MAPKAPK5: variants seen among roughly 807,000 people sequenced by gnomAD.
The protein encoded by MAPKAPK5 is MAP kinase-activated protein kinase 5.
MAPKAPK5 carries 30 observed loss-of-function variants against 65.1 expected under a neutral mutation model. The observed-to-expected ratio is 0.46, with a 90% confidence interval of 0.34 to 0.63. MAPKAPK5 has a LOEUF of 0.63. Ranked by LOEUF, MAPKAPK5 falls within the 20% of genes least tolerant of loss-of-function variation. The pLI is 0.01. For synonymous variants in MAPKAPK5, 179 were observed against 204.6 expected, an observed-to-expected ratio of 0.87 and a Z score of 1.07; for missense variants, 433 against 581.4, an observed-to-expected ratio of 0.74 and a Z score of 2.63.
rs2070754242 is a variant in MAPKAPK5, at chr12:111,895,093, T to TC, written c.*2032_*2033insC. The TC allele has an allele frequency of 2.0e-5, 1 of 49,578 alleles. No individual in the cohort carries two copies. Among genetic ancestry groups the TC allele is most frequent in the Non-Finnish European group, 3.2e-5 (1 of 31,316 alleles). 3.1% of individuals were successfully genotyped at this position (49,578 alleles called of 1,614,324 possible). A position where few individuals can be genotyped will look rare whatever the true frequency, so the allele number is the denominator to read the frequency against. ...AGAATTACCTTATTACATTGCTTCC[T>TC]TTTTTTTTTTTTTTTTTTTTTGAGA... On this transcript the variant is annotated 3_prime_UTR_variant, in exon 14 of 14. Coordinates refer to ENST00000550735, the MANE Select transcript of MAPKAPK5 (RefSeq NM_003668.4).
In MAPKAPK5 at chr12:111,867,497, C is replaced by CTAGT. The variant is rs1412982377; in HGVS notation, c.187-74_187-71dup. 3.0e-6 allele frequency: 3 copies of CTAGT among 1,008,600 alleles called. No homozygotes were observed. The Admixed American group carries it at 5.3e-5, about 18-fold the overall frequency. 62.5% of individuals were successfully genotyped at this position (1,008,600 alleles called of 1,614,324 possible). A position where few individuals can be genotyped will look rare whatever the true frequency, so the allele number is the denominator to read the frequency against. On this transcript the variant is annotated intron_variant, in intron 3 of 13. Transcript: ENST00000550735. ...AGTTTTTATTGTAATTAGCTTGTACCTAGTATGGTCAGTTTTTGGAGAGAA... is the reference window on the plus strand; with the variant it reads ...AGTTTTTATTGTAATTAGCTTGTACCTAGTTAGTATGGTCAGTTTTTGGAGAGAA...
At chr12:111,853,499 G>A (rs957163482) in intron 1 of MAPKAPK5, among the ~76,000 whole-genome samples, 1 of 151,988 alleles carries the variant, frequency 6.6e-6, no homozygotes, top group African/African-American at 2.4e-5. Context: ...TTGCATACTA[G>A]TTCTTATAGA....
chr12:111,874,181 G>A (rs1176293730), intron 7 of MAPKAPK5, among the ~76,000 whole-genome samples: 1 of 151,884 alleles, frequency 6.6e-6, no homozygotes, highest in Non-Finnish European at 1.5e-5. Context: ...GATCACCTGA[G>A]GTCGGGAGTT....
At chr12:111,857,465 C>G (rs2069282387) in intron 1 of MAPKAPK5, among the ~76,000 whole-genome samples, 1 of 152,292 alleles carries the variant, frequency 6.6e-6, no homozygotes, top group African/African-American at 2.4e-5. Context: ...GTTGGCCAGG[C>G]TGGTCTTGAA....
At chr12:111,848,920 T>C (rs1195197310) in intron 1 of MAPKAPK5, among the ~76,000 whole-genome samples, 1 of 151,492 alleles carries the variant, frequency 6.6e-6, no homozygotes, top group Non-Finnish European at 1.5e-5. Flanking sequence ...TATTTTTATT[T>C]TTTTATTTAT....
rs570556779 is a variant in MAPKAPK5 at position 111,896,460 on chromosome 12, C to T, written c.*3399C>T. 4.6e-5 allele frequency: 7 copies of T among 152,206 alleles called. No individual in the cohort carries two copies. The South Asian group carries it at 8.3e-4, about 18-fold the overall frequency. 9.4% of individuals were successfully genotyped at this position (152,206 alleles called of 1,614,324 possible). Reference sequence around the variant, plus strand: ...AAGGGACTCAGCATGGCTTGGTCTTCGAAGTGGAGTTTTGTTTGTGTATTC... The same window carrying T: ...AAGGGACTCAGCATGGCTTGGTCTTTGAAGTGGAGTTTTGTTTGTGTATTC... On this transcript the variant is annotated 3_prime_UTR_variant, in exon 14 of 14. Transcript: ENST00000550735.
chr12:111,865,149 T>G (rs2136103824), intron 1 of MAPKAPK5, 101 bp from the exon 2 acceptor site: 324 of 686,334 alleles, frequency 4.7e-4, no homozygotes, highest in Middle Eastern at 1.1e-3. Context: ...TCTTAGAAGA[T>G]GAGCTGTTGA....
intron 3 of MAPKAPK5, among the ~76,000 whole-genome samples, chr12:111,866,471 G>T (rs944839430): frequency 1.3e-5 from 2 of 152,100 alleles, no homozygotes; most frequent in Non-Finnish European, 2.9e-5. Flanking sequence ...TGTGATTCTT[G>T]TACCCTCATG....
At chr12:111,852,474 A>G (rs138498954) in intron 1 of MAPKAPK5, among the ~76,000 whole-genome samples, 6 of 152,304 alleles carry the variant, frequency 3.9e-5, no homozygotes, top group Non-Finnish European at 8.8e-5. Flanking sequence ...TTTTTTCTCT[A>G]TCTTACTCTA....
At chr12:111,885,495 C>T (rs556795840) in intron 9 of MAPKAPK5, 1 of 155,972 alleles carries the variant, frequency 6.4e-6, no homozygotes, top group African/African-American at 2.4e-5. Flanking sequence ...CCTGCTTTTC[C>T]AGAACCTCAT....
intron 1 of MAPKAPK5, among the ~76,000 whole-genome samples, chr12:111,850,103 A>C (rs942588183): frequency 1.3e-5 from 2 of 151,752 alleles, no homozygotes; most frequent in African/African-American, 4.8e-5. Context: ...ATCTTGGCTC[A>C]CTGCAACCTC....
At chr12:111,866,697 C>G (rs1402003526) in intron 3 of MAPKAPK5, among the ~76,000 whole-genome samples, 2 of 152,182 alleles carry the variant, frequency 1.3e-5, no homozygotes, top group Non-Finnish European at 2.9e-5. Context: ...GCAACCTCCG[C>G]CTCCCGGGTT....
intron 1 of MAPKAPK5, among the ~76,000 whole-genome samples, chr12:111,851,650 G>A (rs2069087890): frequency 6.6e-6 from 1 of 152,162 alleles, no homozygotes; most frequent in African/African-American, 2.4e-5. Context: ...CTCATTACAT[G>A]GGATACTCTG....
intron 12 of MAPKAPK5, chr12:111,889,777 C>T (rs2070542937): frequency 5.6e-6 from 2 of 359,364 alleles, no homozygotes; most frequent in African/African-American, 2.1e-5. Context: ...ATAGAGTCTG[C>T]CACAGCCTAT....
In MAPKAPK5 at chr12:111,842,775, G is replaced by A. The variant is rs2068754593; in HGVS notation, c.36+6G>A. ...ACATGGACAAAGCCATCAAGGTAAG[G>A]GGGAGGTGCCCCCTCTTCCCCCGCG... On this transcript the variant is annotated splice_donor_region_variant and intron_variant, in intron 1 of 13. Transcript: ENST00000550735. 1.5e-6 allele frequency: 2 copies of A among 1,326,490 alleles called. No individual in the cohort carries two copies. The highest frequency in any genetic ancestry group is 1.5e-5 in the African/African-American group (1 of 66,428). 82.2% of individuals were successfully genotyped at this position (1,326,490 alleles called of 1,614,324 possible). A position where few individuals can be genotyped will look rare whatever the true frequency, so the allele number is the denominator to read the frequency against.
intron 13 of MAPKAPK5, among the ~76,000 whole-genome samples, chr12:111,891,534 A>C (rs1026959126): frequency 2.0e-5 from 3 of 150,222 alleles, no homozygotes; most frequent in Admixed American, 6.7e-5. Flanking sequence ...TGGGTCACGC[A>C]TGTAATCCCA....
intron 1 of MAPKAPK5, among the ~76,000 whole-genome samples, chr12:111,844,982 G>C (rs1369753239): frequency 6.6e-6 from 1 of 152,176 alleles, no homozygotes; most frequent in Non-Finnish European, 1.5e-5. Flanking sequence ...TAAGAACTTT[G>C]GGTTTGACCC....
chr12:111,864,390 C>T (rs1179237719), intron 1 of MAPKAPK5, among the ~76,000 whole-genome samples: 2 of 152,118 alleles, frequency 1.3e-5, no homozygotes, highest in African/African-American at 4.8e-5. Flanking sequence ...TTAGTAGACA[C>T]GGGGTTTCAC....
At chr12:111,891,224 A>G (rs77030808) in intron 13 of MAPKAPK5, among the ~76,000 whole-genome samples, 13,957 of 149,396 alleles carry the variant, frequency 0.093, 712 homozygotes, top group East Asian at 0.24. Context: ...CTCCCAAGGA[A>G]CTGGGACTAC....
Sources: allele counts gnomAD v4.1 joint callset (sites outside exome capture counted in the v4.1 genomes callset), GRCh38; gene constraint gnomAD v4.1.1; transcripts MANE v1.5; gene names NCBI Gene and HGNC (gene_info 2026-07-23, HGNC 2026-07-21).